TTC19: variants seen among roughly 807,000 people sequenced by gnomAD.
TTC19 encodes the protein tetratricopeptide repeat domain 19, also known as tetratricopeptide repeat protein 19, mitochondrial.
TTC19 carries 38 observed loss-of-function variants against 49.5 expected under a neutral mutation model. That is an observed-to-expected ratio of 0.77 (90% CI 0.59 to 1.01). The LOEUF is 1.01. Ranked by LOEUF, TTC19 falls within the 50% of genes least tolerant of loss-of-function variation. TTC19 has a pLI of 0.00. For synonymous variants in TTC19, 204 were observed against 185.2 expected (o/e 1.10, Z -0.83); for missense variants, 475 against 477.7 (o/e 0.99, Z 0.05).
intron 7 of TTC19, among the ~76,000 whole-genome samples, chr17:16,019,477 GT>G (rs1971307682): frequency 6.6e-6 from 1 of 152,226 alleles, no homozygotes; most frequent in African/African-American, 2.4e-5. Context: ...ATTTAAAGCA[GT>G]TTTCTTAGCA....
At chr17:16,033,135 C>T (rs1972627013), downstream of TTC19, among the ~76,000 whole-genome samples, 1 of 152,052 alleles carries the variant, frequency 6.6e-6, no homozygotes, top group Non-Finnish European at 1.5e-5. Context: ...CACCTGAGGT[C>T]GGGAGTTCAA....
At chr17:16,025,930 G>T (rs558997328) in intron 8 of TTC19, among the ~76,000 whole-genome samples, 1 of 152,224 alleles carries the variant, frequency 6.6e-6, no homozygotes, top group Non-Finnish European at 1.5e-5. Flanking sequence ...ATGGAGTGAG[G>T]AATAATAAAC....
At chr17:16,032,362 G>A, downstream of TTC19, 3 of 1,614,136 alleles carry the variant, frequency 1.9e-6, no homozygotes, top group Non-Finnish European at 2.5e-6. Flanking sequence ...CTCGCTCCCA[G>A]ATCCTGTTCT....
At chr17:16,030,204 C>A, downstream of TTC19, 1 of 226,492 alleles carries the variant, frequency 4.4e-6, no homozygotes, top group Non-Finnish European at 8.6e-6. Flanking sequence ...ATTTACTATT[C>A]ATTAAGTGGA....
In TTC19 at chr17:16,028,835, A is replaced by AAC. The variant is rs1293953628; in HGVS notation, c.*1314_*1315insCA. On this transcript the variant is annotated 3_prime_UTR_variant, in exon 10 of 10. Coordinates refer to ENST00000261647, the MANE Select transcript of TTC19 (RefSeq NM_017775.4). ...GCATTTCTCAAAAAAAAAAAAAAAA[A>AAC]AAAAAAAAAAACTTTCTGAAGAAAA... 8 of 375,570 alleles carry AAC rather than the reference A, an allele frequency of 2.1e-5. No homozygotes were observed. The highest frequency in any genetic ancestry group is 6.5e-5 in the African/African-American group (3 of 45,992). 23.3% of individuals were successfully genotyped at this position (375,570 alleles called of 1,614,324 possible).
intron 2 of TTC19, chr17:16,039,519 A>G: frequency 6.2e-7 from 1 of 1,614,126 alleles, no homozygotes; most frequent in Non-Finnish European, 8.5e-7. Flanking sequence ...CACTACTCCC[A>G]TAGGCTGGGA....
chr17:16,024,930 G>A (rs1235172737), intron 7 of TTC19, 87 bp from the exon 8 acceptor site: 14 of 1,199,330 alleles, frequency 1.2e-5, no homozygotes, highest in East Asian at 2.3e-5. Context: ...TTCCCTAAGT[G>A]ACATGTGGGT....
At chr17:16,021,401 CAAAA>C (rs973478594) in intron 7 of TTC19, among the ~76,000 whole-genome samples, 1 of 151,936 alleles carries the variant, frequency 6.6e-6, no homozygotes, top group South Asian at 2.1e-4. Context: ...AAAGAAAAAA[CAAAA>C]AAACAAAGTC....
At chr17:16,021,964 C>G (rs1054759835) in intron 7 of TTC19, among the ~76,000 whole-genome samples, 1 of 152,140 alleles carries the variant, frequency 6.6e-6, no homozygotes, top group Admixed American at 6.5e-5. Context: ...TCATTTTTCT[C>G]CTCTTTAGAT....
At chr17:16,030,736 C>A (rs1339613806), downstream of TTC19, 1 of 179,424 alleles carries the variant, frequency 5.6e-6, no homozygotes, top group Admixed American at 6.3e-5. Context: ...TGGCCTATCT[C>A]TGTCACTAAT....
At chr17:16,020,528 T>G (rs1012006686) in intron 7 of TTC19, among the ~76,000 whole-genome samples, 1 of 152,218 alleles carries the variant, frequency 6.6e-6, no homozygotes, top group Non-Finnish European at 1.5e-5. Flanking sequence ...AGTTTGTGCT[T>G]CTTATGTCTT....
At chr17:16,003,092 C>G (rs1306588511) in intron 4 of TTC19, among the ~76,000 whole-genome samples, 1 of 152,170 alleles carries the variant, frequency 6.6e-6, no homozygotes, top group Non-Finnish European at 1.5e-5. Context: ...CCTAGGTGAG[C>G]TGACTCACCT....
chr17:16,026,650 T>C lies in TTC19; in HGVS notation c.942T>C (p.His314=), dbSNP rs1456886703. Residue 314 remains histidine, a synonymous_variant, in exon 9 of 10, where the codon CAT becomes CAC. Coordinates refer to ENST00000261647, the MANE Select transcript of TTC19 (RefSeq NM_017775.4). ...RASDLARQIN[H]PELHMVLSNL... is the part of the protein sequence containing the mutation. Reference sequence around the variant, plus strand: ...CAGATCTGGCAAGACAGATAAATCATCCTGAGCTACACATGGTACTCAGTA... The same window carrying C: ...CAGATCTGGCAAGACAGATAAATCACCCTGAGCTACACATGGTACTCAGTA... 6.2e-7 allele frequency: 1 copy of C among 1,614,148 alleles called. No homozygotes were observed. Among genetic ancestry groups the C allele is most frequent in the South Asian group, 1.1e-5 (1 of 91,070 alleles).
At chr17:16,024,054 T>TATGACC (rs1971467143) in intron 7 of TTC19, 1 of 152,228 alleles carries the variant, frequency 6.6e-6, no homozygotes, top group Admixed American at 6.5e-5. Context: ...TAATCTTGCT[T>TATGACC]ATGACCATTT....
chr17:16,016,575 T>TTTG (rs1160736499), intron 7 of TTC19, among the ~76,000 whole-genome samples: 4 of 142,850 alleles, frequency 2.8e-5, no homozygotes, highest in African/African-American at 1.1e-4. Context: ...TTTTTTTTTT[T>TTTG]GGGATGGAGT....
Position 16,000,149 on chromosome 17 carries a change from A to AGAGGAG in TTC19, c.223_228dup (p.Glu75_Glu76dup). 6.3e-7 allele frequency: 1 copy of AGAGGAG among 1,584,164 alleles called. No homozygotes were observed. The highest frequency in any genetic ancestry group is 8.5e-7 in the Non-Finnish European group (1 of 1,173,690). On this transcript the variant is annotated inframe_insertion, in exon 2 of 10. Transcript: ENST00000261647. ...CCTGGTTCTCGAGGCCCGCTGCGGC[A>AGAGGAG]GAGGAGGAGGAGCAGCAGGGAGCCG...
In TTC19 at chr17:16,001,896, T is replaced by C. The variant is rs1373350594; in HGVS notation, c.313-19T>C. On this transcript the variant is annotated intron_variant, in intron 2 of 9. Coordinates refer to ENST00000261647, the MANE Select transcript of TTC19 (RefSeq NM_017775.4). ...CTACTATATGTTTCATTTTCTATTA[T>C]TTTGTCTTCCCTTTTCAGTTGAGCA... The C allele has an allele frequency of 4.5e-6, 7 of 1,561,166 alleles. No homozygotes were observed. In the African/African-American group the frequency reaches 8.1e-5, roughly 18 times the overall value.
At chr17:16,016,993 C>T (rs1015806376) in intron 7 of TTC19, among the ~76,000 whole-genome samples, 3 of 152,086 alleles carry the variant, frequency 2.0e-5, no homozygotes, top group Admixed American at 6.6e-5. Flanking sequence ...CATGCCCGGC[C>T]GATAAATTTT....
intron 9 of TTC19, chr17:16,027,075 G>A: frequency 1.9e-6 from 1 of 514,094 alleles, no homozygotes; most frequent in Non-Finnish European, 3.5e-6. Context: ...CTTAGTGTCA[G>A]CACACTATAC....
Sources: gnomAD v4.1 joint callset for allele counts (sites outside exome capture counted in the v4.1 genomes callset) on GRCh38, gnomAD v4.1.1 for gene constraint, MANE v1.5 for transcripts, NCBI Gene and HGNC (gene_info 2026-07-23, HGNC 2026-07-21) for gene names.